Variants in SCAPER observed in about 807,000 individuals in gnomAD.
SCAPER encodes S phase cyclin A-associated protein in the endoplasmic reticulum.
A neutral mutation model predicts 182.2 loss-of-function variants in SCAPER; 98 were observed. The ratio of observed to expected loss-of-function variants is 0.54; its 90% CI spans 0.46 to 0.64. The LOEUF (loss-of-function observed/expected upper bound fraction) is 0.64. Among genes scored for constraint, SCAPER ranks in the 30% least tolerant of loss-of-function variants. The pLI, the probability that SCAPER is intolerant of heterozygous loss-of-function variation, is 0.00. For synonymous variants in SCAPER, 605 were observed against 564.6 expected (o/e 1.07, Z -1.01); for missense variants, 1,432 against 1,690.0 (o/e 0.85, Z 2.68).
At chr15:76,764,749 A>G (rs1366486080) in intron 14 of SCAPER, among the ~76,000 whole-genome samples, 1 of 152,216 alleles carries the variant, frequency 6.6e-6, no homozygotes, top group Non-Finnish European at 1.5e-5. Context: ...TAATCCACGC[A>G]AACCCTGCAA....
At chr15:76,860,475 C>G (rs1435741105) in intron 3 of SCAPER, among the ~76,000 whole-genome samples, 1 of 152,028 alleles carries the variant, frequency 6.6e-6, no homozygotes, top group Non-Finnish European at 1.5e-5. Context: ...AAGACAGGTC[C>G]AAGCAGGCAT....
At chr15:76,665,516 T>A in intron 21 of SCAPER, 137 bp downstream of exon 21, 1 of 1,030,900 alleles carries the variant, frequency 9.7e-7, no homozygotes, top group African/African-American at 1.6e-5. Context: ...AAAGTGGCTA[T>A]AAATTAGGCT....
intron 5 of SCAPER, among the ~76,000 whole-genome samples, chr15:76,832,480 A>G (rs1013474119): frequency 1.3e-5 from 2 of 152,256 alleles, no homozygotes; most frequent in African/African-American, 4.8e-5. Context: ...GTGATAATGT[A>G]AAGAGAACAA....
chr15:76,348,931 A>G (rs1276382334), intron 31 of SCAPER, 195 bp from the exon 32 acceptor site: 2 of 428,374 alleles, frequency 4.7e-6, no homozygotes, highest in East Asian at 7.2e-5. Flanking sequence ...TATATGACAT[A>G]TATTTTAACC....
intron 20 of SCAPER, among the ~76,000 whole-genome samples, chr15:76,695,644 T>C (rs1330994239): frequency 6.6e-6 from 1 of 152,070 alleles, no homozygotes; most frequent in Non-Finnish European, 1.5e-5. Flanking sequence ...TAAATATTTT[T>C]CCTTGACCTA....
At chr15:76,551,610 T>C (rs1473237930) in intron 23 of SCAPER, among the ~76,000 whole-genome samples, 2 of 152,212 alleles carry the variant, frequency 1.3e-5, no homozygotes, top group Non-Finnish European at 2.9e-5. Context: ...TACAGTTAGA[T>C]ACGAGGAATA....
chr15:76,878,102 C>T (rs1285338756), intron 2 of SCAPER, among the ~76,000 whole-genome samples: 2 of 151,976 alleles, frequency 1.3e-5, no homozygotes, highest in African/African-American at 4.8e-5. Context: ...TTTACAGACA[C>T]GTGTTTCATA....
At position 76,862,533 on chromosome 15, in the gene SCAPER, C is replaced by G; in HGVS notation, c.7G>C (p.Ala3Pro). The change falls in exon 3 of 32, where the codon GCT becomes CCT. Residue 3 changes from alanine (A) to proline (P), a missense_variant and splice_region_variant. Ala to Pro is a conservative substitution (Grantham distance 27). This residue lies in a region of SCAPER where 480 missense variants were observed against 510.2 expected (regional missense o/e 0.94). Coordinates refer to ENST00000563290, the MANE Select transcript of SCAPER (RefSeq NM_020843.4). The stretch of plus-strand genomic sequence containing the variant: ...TGACTATTGGAGCGCTGGAATGAAG[C>G]CTATGTATGGAAAAGATGGTACTTA... MM[A>P]SFQRSNSHDK... 6.3e-7 allele frequency: 1 copy of G among 1,584,958 alleles called. No homozygotes were observed. The highest frequency in any genetic ancestry group is 8.7e-7 in the Non-Finnish European group (1 of 1,155,390).
At chr15:76,419,146 CTG>C (rs2045848567) in intron 26 of SCAPER, among the ~76,000 whole-genome samples, 1 of 152,100 alleles carries the variant, frequency 6.6e-6, no homozygotes, top group Admixed American at 6.5e-5. Context: ...GTTGAAGAAA[CTG>C]TACACAGACC....
intron 5 of SCAPER, among the ~76,000 whole-genome samples, chr15:76,824,617 C>T (rs2067843949): frequency 6.6e-6 from 1 of 152,132 alleles, no homozygotes; most frequent in Non-Finnish European, 1.5e-5. Flanking sequence ...AATGTTACTA[C>T]TGGAATAAAT....
intron 26 of SCAPER, among the ~76,000 whole-genome samples, chr15:76,427,062 C>A (rs528384064): frequency 6.6e-6 from 1 of 152,224 alleles, no homozygotes; most frequent in East Asian, 1.9e-4. Flanking sequence ...AATACAAAAA[C>A]CAACTCAAAA....
chr15:76,606,971 A>G (rs557025472), intron 22 of SCAPER, among the ~76,000 whole-genome samples: 1 of 152,250 alleles, frequency 6.6e-6, no homozygotes, highest in African/African-American at 2.4e-5. Flanking sequence ...TCTTTATCCA[A>G]TTTGCCAGTC....
At chr15:76,632,072 A>G (rs1039166739) in intron 21 of SCAPER, among the ~76,000 whole-genome samples, 1 of 151,798 alleles carries the variant, frequency 6.6e-6, no homozygotes, top group East Asian at 1.9e-4. Flanking sequence ...CCCTTGATCT[A>G]TTTGGCGACT....
rs190585529 is a variant in SCAPER, at chr15:76,682,409, T to C, written c.2509-16620A>G. Among the ~76,000 whole-genome samples, 239 of 151,894 alleles carry C rather than the reference T, an allele frequency of 1.6e-3. 1 individual carries two copies. Among genetic ancestry groups the C allele is most frequent in the African/African-American group, 5.4e-3 (225 of 41,402 alleles). On this transcript the variant is annotated intron_variant, in intron 20 of 31. Transcript: ENST00000563290. ...GCCAGTTTGAATGTGCACACAGACA[T>C]TGGCGGCCCCATGCCCATCAACACC...
At chr15:76,812,057 T>C (rs2066666511) in intron 5 of SCAPER, among the ~76,000 whole-genome samples, 3 of 152,140 alleles carry the variant, frequency 2.0e-5, no homozygotes, top group South Asian at 4.1e-4. Flanking sequence ...CTCATTCCTG[T>C]AATCCTAACA....
intron 5 of SCAPER, among the ~76,000 whole-genome samples, chr15:76,816,783 G>C (rs951672588): frequency 6.6e-6 from 1 of 151,748 alleles, no homozygotes; most frequent in African/African-American, 2.4e-5. Context: ...CTCCCGAGTA[G>C]CTGGGACTAC....
chr15:76,865,991 T>C lies in SCAPER; in HGVS notation c.7-3458A>G, dbSNP rs551310425. 3.3e-5 allele frequency among the ~76,000 whole-genome samples: 5 copies of C among 152,256 alleles called. No homozygotes were observed. The South Asian group carries it at 1.0e-3, about 32-fold the overall frequency. ...TTGCAAAAGTCACTTCTCTACTCATTCTCATACTTTCCAATCAATGTAACA... is the reference window on the plus strand; with the variant it reads ...TTGCAAAAGTCACTTCTCTACTCATCCTCATACTTTCCAATCAATGTAACA... On this transcript the variant is annotated intron_variant, in intron 2 of 31. Transcript: ENST00000563290.
At chr15:76,608,260 G>C (rs1410870960) in intron 22 of SCAPER, among the ~76,000 whole-genome samples, 2 of 152,192 alleles carry the variant, frequency 1.3e-5, no homozygotes, top group East Asian at 3.8e-4. Flanking sequence ...CTGCAGGTCT[G>C]TTAGAGTTTG....
chr15:76,568,372 T>C (rs945677707), intron 23 of SCAPER, among the ~76,000 whole-genome samples: 2 of 152,018 alleles, frequency 1.3e-5, no homozygotes, highest in Non-Finnish European at 2.9e-5. Context: ...TCCCTCTCCC[T>C]GCGCCACAAG....
Sources: allele counts gnomAD v4.1 joint callset (sites outside exome capture counted in the v4.1 genomes callset), GRCh38; gene constraint gnomAD v4.1.1; regional missense constraint gnomAD v4.1.1; transcripts MANE v1.5; gene names NCBI Gene and HGNC (gene_info 2026-07-23, HGNC 2026-07-21).